The following XKR9 variants were observed in gnomAD, a reference collection of about 807,000 sequenced individuals.
XKR9 encodes the protein XK related 9, also known as XK-related protein 9.
Under a neutral mutation model 32.0 loss-of-function variants are expected in XKR9, and 32 were observed. The ratio of observed to expected loss-of-function variants is 1.00; its 90% CI spans 0.76 to 1.34. The LOEUF is 1.34. XKR9 is among the 40% of genes most tolerant of loss of function. The pLI, the probability that XKR9 is intolerant of heterozygous loss-of-function variation, is 0.00. For missense variants in XKR9, 546 were observed against 429.7 expected (o/e 1.27, Z -2.39); for synonymous variants, 168 against 143.4 (o/e 1.17, Z -1.22).
At chr8:70,798,408 T>G in the XKR9 span, among the ~76,000 whole-genome samples, 32 of 124,660 alleles carry the variant, frequency 2.6e-4, no homozygotes, top group Non-Finnish European at 5.0e-4. Flanking sequence ...GGTAGTTTGG[T>G]TTTTGCTTGT....
At chr8:70,945,836 C>T in the XKR9 span, among the ~76,000 whole-genome samples, 1 of 152,142 alleles carries the variant, frequency 6.6e-6, no homozygotes, top group South Asian at 2.1e-4. Flanking sequence ...GACTTACTAC[C>T]ATTGAAAAAG....
the XKR9 span, among the ~76,000 whole-genome samples, chr8:70,830,216 T>C: frequency 1.3e-5 from 2 of 152,190 alleles, no homozygotes; most frequent in East Asian, 3.8e-4. Context: ...TTCTAAGTCC[T>C]AATTAATGTA....
At chr8:70,802,903 T>G in the XKR9 span, among the ~76,000 whole-genome samples, 2 of 152,238 alleles carry the variant, frequency 1.3e-5, no homozygotes, top group Non-Finnish European at 2.9e-5. Flanking sequence ...TCATTTCAAC[T>G]TTGGATAATC....
intron 2 of XKR9, among the ~76,000 whole-genome samples, chr8:70,746,956 C>T (rs1807067247): frequency 1.3e-5 from 2 of 152,118 alleles, no homozygotes; most frequent in Non-Finnish European, 2.9e-5. Context: ...GTTTATTGTT[C>T]CCATCTCTGT....
chr8:71,060,820 G>C, the XKR9 span, among the ~76,000 whole-genome samples: 5 of 152,110 alleles, frequency 3.3e-5, no homozygotes, highest in Non-Finnish European at 7.4e-5. Context: ...ACTAAATCTT[G>C]GGGAGTTTAA....
chr8:70,710,728 CAAATA>C (rs969286307), intron 4 of XKR9, among the ~76,000 whole-genome samples: 1 of 151,352 alleles, frequency 6.6e-6, no homozygotes, highest in Non-Finnish European at 1.5e-5. Flanking sequence ...ACAACAAAAA[CAAATA>C]AACAAACAAA....
At chr8:70,915,893 T>A in the XKR9 span, among the ~76,000 whole-genome samples, 1 of 152,286 alleles carries the variant, frequency 6.6e-6, no homozygotes, top group Admixed American at 6.5e-5. Context: ...CCGAAGTCAC[T>A]CCATCCCTTG....
chr8:70,767,828 A>T (rs1397991661), intron 2 of XKR9, among the ~76,000 whole-genome samples: 1 of 151,926 alleles, frequency 6.6e-6, no homozygotes, highest in African/African-American at 2.4e-5. Context: ...CTTTTTTATT[A>T]GTCAGGCTAG....
At chr8:70,778,873 A>G (rs1447015337) in intron 2 of XKR9, among the ~76,000 whole-genome samples, 1 of 152,190 alleles carries the variant, frequency 6.6e-6, no homozygotes, top group South Asian at 2.1e-4. Context: ...TTTTCTAAAT[A>G]TACAGTTATG....
chr8:70,691,765 G>T (rs1052337257), intron 3 of XKR9, among the ~76,000 whole-genome samples: 4 of 152,010 alleles, frequency 2.6e-5, no homozygotes, highest in African/African-American at 9.7e-5. Flanking sequence ...CTGTTCCATT[G>T]GTCTGTGTGT....
chr8:70,909,415 G>A, the XKR9 span, among the ~76,000 whole-genome samples: 2 of 151,998 alleles, frequency 1.3e-5, no homozygotes, highest in Admixed American at 6.6e-5. Context: ...CTCTTTCTTC[G>A]TGTCTGGGTT....
chr8:71,037,520 C>G, the XKR9 span, among the ~76,000 whole-genome samples: 2 of 152,262 alleles, frequency 1.3e-5, no homozygotes, highest in East Asian at 3.9e-4. Flanking sequence ...CCTCCTATTC[C>G]AGTCCTTTTC....
chr8:70,966,839 C>T, the XKR9 span, among the ~76,000 whole-genome samples: 1 of 152,052 alleles, frequency 6.6e-6, no homozygotes, highest in Non-Finnish European at 1.5e-5. Flanking sequence ...ATAGTTAGCT[C>T]TTTTTATTGA....
chr8:70,771,691 A>T (rs111983313), intron 2 of XKR9, among the ~76,000 whole-genome samples: 1 of 152,186 alleles, frequency 6.6e-6, no homozygotes, highest in Non-Finnish European at 1.5e-5. Context: ...AATGTGGCCT[A>T]TGTTCTTTGG....
At chr8:71,047,538 C>G in the XKR9 span, among the ~76,000 whole-genome samples, 1 of 152,352 alleles carries the variant, frequency 6.6e-6, no homozygotes, top group East Asian at 1.9e-4. Context: ...TCTCATACTG[C>G]AAGTCTCAGA....
intron 4 of XKR9, among the ~76,000 whole-genome samples, chr8:70,722,443 C>T (rs1441961751): frequency 3.3e-5 from 5 of 152,120 alleles, no homozygotes; most frequent in Admixed American, 3.3e-4. Flanking sequence ...ACCAGCTTTT[C>T]CTTTCCATAT....
chr8:70,986,707 A>G, the XKR9 span, among the ~76,000 whole-genome samples: 1 of 152,216 alleles, frequency 6.6e-6, no homozygotes, highest in African/African-American at 2.4e-5. Context: ...ATATATTTTT[A>G]AAACACTTCT....
chr8:70,833,725 G>C, the XKR9 span, among the ~76,000 whole-genome samples: 1 of 152,140 alleles, frequency 6.6e-6, no homozygotes, highest in Non-Finnish European at 1.5e-5. Context: ...TTTTAAAAAT[G>C]TAAGTTTCTT....
At chr8:70,829,307 T>TGGCC in the XKR9 span, among the ~76,000 whole-genome samples, 1 of 35,072 alleles carries the variant, frequency 2.9e-5, no homozygotes, top group African/African-American at 9.6e-5. Flanking sequence ...GAACATTTAA[T>TGGCC]ATGACTATTA....
Sources: gnomAD v4.1 joint callset for allele counts (sites outside exome capture counted in the v4.1 genomes callset) on GRCh38, gnomAD v4.1.1 for gene constraint, MANE v1.5 for transcripts, NCBI Gene and HGNC (gene_info 2026-07-23, HGNC 2026-07-21) for gene names.